CEP63: variants seen among roughly 807,000 people sequenced by gnomAD.
The protein encoded by CEP63 is centrosomal protein 63, also known as centrosomal protein of 63 kDa.
Under a neutral mutation model 89.1 loss-of-function variants are expected in CEP63, and 84 were observed. The ratio of observed to expected loss-of-function variants is 0.94; its 90% confidence interval spans 0.79 to 1.13. CEP63 has a LOEUF of 1.13. Among genes scored for constraint, CEP63 ranks in the 50% most tolerant of loss-of-function variants. The pLI is 0.00. For missense variants in CEP63, 838 were observed against 813.3 expected, an observed-to-expected ratio of 1.03 and a Z score of -0.37; for synonymous variants, 267 against 272.5, an observed-to-expected ratio of 0.98 and a Z score of 0.20.
At chr3:134,659,455 C>T in the CEP63 span, among the ~76,000 whole-genome samples, 19 of 152,216 alleles carry the variant, frequency 1.2e-4, no homozygotes, top group Non-Finnish European at 2.5e-4. Flanking sequence ...TGCCTTTAAA[C>T]CCATTTTACT....
chr3:134,693,646 T>C, the CEP63 span, among the ~76,000 whole-genome samples: 3 of 152,204 alleles, frequency 2.0e-5, no homozygotes, highest in African/African-American at 7.2e-5. Context: ...GCTCAGATGT[T>C]CCCAGAAGAC....
At chr3:134,763,991 G>C in the CEP63 span, among the ~76,000 whole-genome samples, 2 of 152,172 alleles carry the variant, frequency 1.3e-5, no homozygotes, top group Admixed American at 1.3e-4. Context: ...ATAGTCCAAG[G>C]CTAGCTTTGT....
chr3:134,550,518 G>A (rs1954574819), intron 11 of CEP63, among the ~76,000 whole-genome samples: 3 of 152,164 alleles, frequency 2.0e-5, no homozygotes, highest in South Asian at 4.1e-4. Flanking sequence ...TAGACCACTC[G>A]CTGCAAAGGC....
chr3:134,722,785 T>C, the CEP63 span, among the ~76,000 whole-genome samples: 1 of 152,210 alleles, frequency 6.6e-6, no homozygotes, highest in Non-Finnish European at 1.5e-5. Flanking sequence ...ATATTCAGCC[T>C]GTTGATACCA....
At chr3:134,653,885 G>T in the CEP63 span, among the ~76,000 whole-genome samples, 3 of 152,012 alleles carry the variant, frequency 2.0e-5, no homozygotes, top group Non-Finnish European at 4.4e-5. Flanking sequence ...CACCATACTA[G>T]CCCCTCCATC....
the CEP63 span, among the ~76,000 whole-genome samples, chr3:134,613,815 G>A: frequency 6.6e-6 from 1 of 152,168 alleles, no homozygotes; most frequent in Admixed American, 6.5e-5. Context: ...AAAATCCTCT[G>A]TATGTATAAG....
the CEP63 span, among the ~76,000 whole-genome samples, chr3:134,653,770 A>G: frequency 6.6e-6 from 1 of 152,156 alleles, no homozygotes; most frequent in Non-Finnish European, 1.5e-5. Flanking sequence ...CAACGGGACA[A>G]ATAACAGAAC....
the CEP63 span, among the ~76,000 whole-genome samples, chr3:134,686,647 T>C: frequency 6.6e-6 from 1 of 152,196 alleles, no homozygotes; most frequent in African/African-American, 2.4e-5. Context: ...GAAGGGCTGC[T>C]CCCAACTCAG....
At chr3:134,536,318 T>C (rs974345975) in intron 5 of CEP63, 27 of 152,584 alleles carry the variant, frequency 1.8e-4, no homozygotes, top group African/African-American at 6.5e-4. Context: ...CTGGCATATA[T>C]AGTAGAATGA....
chr3:134,633,345 A>G, the CEP63 span, among the ~76,000 whole-genome samples: 1 of 152,090 alleles, frequency 6.6e-6, no homozygotes, highest in Non-Finnish European at 1.5e-5. Context: ...AAACACAAAA[A>G]TCTTCCACAA....
At chr3:134,632,560 A>T in the CEP63 span, among the ~76,000 whole-genome samples, 1 of 152,084 alleles carries the variant, frequency 6.6e-6, no homozygotes, top group Non-Finnish European at 1.5e-5. Flanking sequence ...GAACTCATTG[A>T]AAATGAAAAT....
chr3:134,523,303 T>C (rs973742459), intron 3 of CEP63, among the ~76,000 whole-genome samples: 12 of 152,198 alleles, frequency 7.9e-5, no homozygotes, highest in African/African-American at 2.7e-4. Context: ...ATACTAGTCT[T>C]TTGTCAGATG....
At chr3:134,773,995 G>A in the CEP63 span, among the ~76,000 whole-genome samples, 1 of 152,290 alleles carries the variant, frequency 6.6e-6, no homozygotes, top group East Asian at 1.9e-4. Context: ...TGTCCAGCAG[G>A]CAACAGGGAC....
chr3:134,522,725 T>C (rs902116814), intron 3 of CEP63, among the ~76,000 whole-genome samples: 10 of 152,160 alleles, frequency 6.6e-5, no homozygotes, highest in African/African-American at 2.4e-4. Flanking sequence ...TGGTTTTCTG[T>C]TCCTGCAAAA....
At chr3:134,681,186 C>T in the CEP63 span, among the ~76,000 whole-genome samples, 3 of 151,500 alleles carry the variant, frequency 2.0e-5, no homozygotes, top group South Asian at 2.1e-4. Flanking sequence ...AGCTGGGGGT[C>T]GGGGGGTGGT....
the CEP63 span, among the ~76,000 whole-genome samples, chr3:134,741,136 C>A: frequency 6.6e-6 from 1 of 152,172 alleles, no homozygotes; most frequent in Non-Finnish European, 1.5e-5. Context: ...TCCTATGTCC[C>A]CACTCAGTTT....
At chr3:134,557,003 T>C (rs1956305229) in intron 12 of CEP63, among the ~76,000 whole-genome samples, 1 of 152,190 alleles carries the variant, frequency 6.6e-6, no homozygotes, top group South Asian at 2.1e-4. Flanking sequence ...GTTGTACATA[T>C]TATGAAGAAT....
the CEP63 span, chr3:134,620,913 C>A: frequency 9.3e-7 from 1 of 1,072,664 alleles, no homozygotes; most frequent in South Asian, 1.3e-5. Flanking sequence ...CTGTTGGGGG[C>A]CCAGCATCTT....
chr3:134,748,252 T>C, the CEP63 span, among the ~76,000 whole-genome samples: 67 of 152,304 alleles, frequency 4.4e-4, no homozygotes, highest in African/African-American at 1.6e-3. Flanking sequence ...GTCCCTCTCC[T>C]ACTCCCTGGG....
Sources: allele counts gnomAD v4.1 joint callset (sites outside exome capture counted in the v4.1 genomes callset), GRCh38; gene constraint gnomAD v4.1.1; transcripts MANE v1.5; gene names NCBI Gene and HGNC (gene_info 2026-07-23, HGNC 2026-07-21).